The following NEGR1 variants were observed in gnomAD, a reference collection of about 807,000 sequenced individuals.
NEGR1 encodes neuronal growth regulator 1.
A neutral mutation model predicts 40.9 loss-of-function variants in NEGR1; 10 were observed. The ratio of observed to expected loss-of-function variants is 0.24; its 90% confidence interval spans 0.15 to 0.42. The LOEUF (loss-of-function observed/expected upper bound fraction) is 0.42. Among genes scored for constraint, NEGR1 ranks in the 10% least tolerant of loss-of-function variants. The probability of loss-of-function intolerance (pLI) is 1.00; values close to 1 mark genes in which losing one functional copy is unlikely to be tolerated. For synonymous variants in NEGR1, 185 were observed against 166.8 expected, an observed-to-expected ratio of 1.11 and a Z score of -0.84; for missense variants, 352 against 438.9, an observed-to-expected ratio of 0.80 and a Z score of 1.77.
At chr1:71,845,209 T>C (rs951494281) in intron 2 of NEGR1, among the ~76,000 whole-genome samples, 3 of 152,172 alleles carry the variant, frequency 2.0e-5, no homozygotes, top group African/African-American at 7.2e-5. Flanking sequence ...TTTTTGTTTT[T>C]ATTTTTGATA....
chr1:71,453,507 G>C (rs1161235001), intron 6 of NEGR1, among the ~76,000 whole-genome samples: 1 of 152,086 alleles, frequency 6.6e-6, no homozygotes, highest in African/African-American at 2.4e-5. Flanking sequence ...CTTGCATTTA[G>C]TTTCATAGGA....
In NEGR1 at chr1:71,397,899, G is replaced by T. The variant is rs1375975150; in HGVS notation, c.*9547C>A. 1 of 152,322 alleles carries T rather than the reference G, an allele frequency of 6.6e-6. No homozygotes were observed. Among genetic ancestry groups the T allele is most frequent in the East Asian group, 1.9e-4 (1 of 5,186 alleles). The allele number at this position is 152,322 out of a possible 1,614,324, so 9.4% of individuals were successfully genotyped here. Reference sequence around the variant, plus strand: ...GCCTGGCCCAGGGTCCCTCTGCTATGTGCAGTCTAGGAACTTGGTGCTCTG... The same window carrying T: ...GCCTGGCCCAGGGTCCCTCTGCTATTTGCAGTCTAGGAACTTGGTGCTCTG... On this transcript the variant is annotated 3_prime_UTR_variant, in exon 7 of 7. Coordinates refer to ENST00000357731, the MANE Select transcript of NEGR1 (RefSeq NM_173808.3).
At chr1:71,694,314 A>G (rs1282719003) in intron 4 of NEGR1, among the ~76,000 whole-genome samples, 1 of 151,024 alleles carries the variant, frequency 6.6e-6, no homozygotes, top group Non-Finnish European at 1.5e-5. Context: ...ACCCCTTTTC[A>G]TTATTTTAAT....
intron 2 of NEGR1, among the ~76,000 whole-genome samples, chr1:71,854,060 C>A (rs558124241): frequency 1.3e-5 from 2 of 152,028 alleles, no homozygotes; most frequent in Admixed American, 1.3e-4. Flanking sequence ...AAGCATGTTG[C>A]ATTAAAAAAG....
chr1:71,947,794 A>T (rs1237981490), intron 1 of NEGR1, among the ~76,000 whole-genome samples: 1 of 151,890 alleles, frequency 6.6e-6, no homozygotes, highest in Non-Finnish European at 1.5e-5. Flanking sequence ...AAAAATATGG[A>T]AATTAATGAT....
intron 3 of NEGR1, among the ~76,000 whole-genome samples, chr1:71,739,537 C>G (rs910759467): frequency 3.3e-5 from 5 of 151,696 alleles, no homozygotes; most frequent in Non-Finnish European, 7.4e-5. Flanking sequence ...AAAAAAAAAC[C>G]CTCTTAAATC....
At chr1:71,599,070 G>A (rs530673582) in intron 5 of NEGR1, among the ~76,000 whole-genome samples, 10 of 152,188 alleles carry the variant, frequency 6.6e-5, no homozygotes, top group East Asian at 3.9e-4. Flanking sequence ...TTATATTTTT[G>A]TAATTCTTAG....
At chr1:71,918,665 G>C (rs911995466) in intron 2 of NEGR1, among the ~76,000 whole-genome samples, 2 of 148,282 alleles carry the variant, frequency 1.3e-5, no homozygotes, top group African/African-American at 2.5e-5. Context: ...TTTTAAATGA[G>C]AGTATGGTAT....
intron 6 of NEGR1, among the ~76,000 whole-genome samples, chr1:71,431,253 G>A (rs919954467): frequency 6.6e-6 from 1 of 152,012 alleles, no homozygotes; most frequent in South Asian, 2.1e-4. Flanking sequence ...CATAAATTCA[G>A]TTTATTTAAC....
intron 1 of NEGR1, among the ~76,000 whole-genome samples, chr1:72,261,524 C>T (rs1655455237): frequency 6.6e-6 from 1 of 152,048 alleles, no homozygotes; most frequent in Admixed American, 6.6e-5. Flanking sequence ...ATATTAAATA[C>T]TGAAAGGCCT....
intron 6 of NEGR1, among the ~76,000 whole-genome samples, chr1:71,529,315 G>A (rs1032185039): frequency 6.6e-6 from 1 of 151,156 alleles, no homozygotes; most frequent in Admixed American, 6.6e-5. Context: ...TAGATTATTA[G>A]CTTGATGCTT....
intron 6 of NEGR1, among the ~76,000 whole-genome samples, chr1:71,408,132 G>T (rs772530198): frequency 5.9e-5 from 9 of 151,952 alleles, no homozygotes; most frequent in Non-Finnish European, 1.3e-4. Context: ...AAATTGCCTG[G>T]GTAAGGGAGA....
At chr1:72,274,739 A>G (rs1348475259) in intron 1 of NEGR1, 15 of 1,106,228 alleles carry the variant, frequency 1.4e-5, no homozygotes, top group Non-Finnish European at 2.1e-5. Flanking sequence ...GTAAAATCGG[A>G]AGGAGAAATT....
intron 6 of NEGR1, among the ~76,000 whole-genome samples, chr1:71,513,598 A>G (rs945943400): frequency 6.6e-6 from 1 of 152,192 alleles, no homozygotes; most frequent in African/African-American, 2.4e-5. Context: ...ACATTTTCTT[A>G]AAATATCTCA....
Position 72,116,093 on chromosome 1 carries a change from T to C in NEGR1, c.176+166226A>G, listed in dbSNP as rs376293150. Among the ~76,000 whole-genome samples the C allele has an allele frequency of 2.0e-5, 3 of 151,758 alleles. No individual in the cohort carries two copies. In the South Asian group the frequency reaches 6.2e-4, roughly 31 times the overall value. On this transcript the variant is annotated intron_variant, in intron 1 of 6. Transcript: ENST00000357731. ...CACCCTAGACAGCATTACTGTATTA[T>C]TATCAGTGTGGAGGTTCAATAGAAG...
chr1:71,897,847 A>G (rs1300953655), intron 2 of NEGR1, among the ~76,000 whole-genome samples: 1 of 152,218 alleles, frequency 6.6e-6, no homozygotes, highest in Non-Finnish European at 1.5e-5. Context: ...GGCATAACTG[A>G]ACATTTATCC....
chr1:71,985,497 T>C (rs546902644), intron 1 of NEGR1, among the ~76,000 whole-genome samples: 15 of 152,302 alleles, frequency 9.8e-5, no homozygotes, highest in Admixed American at 3.9e-4. Flanking sequence ...GTACCACCGA[T>C]AAATCCCTCA....
At chr1:71,942,727 C>G (rs575708992) in intron 1 of NEGR1, among the ~76,000 whole-genome samples, 1 of 144,386 alleles carries the variant, frequency 6.9e-6, no homozygotes, top group South Asian at 2.2e-4. Context: ...TGGTCTCGAT[C>G]TCCTGACCTC....
At chr1:72,185,765 T>C (rs1422319508) in intron 1 of NEGR1, among the ~76,000 whole-genome samples, 1 of 151,850 alleles carries the variant, frequency 6.6e-6, no homozygotes, top group African/African-American at 2.4e-5. Context: ...ATGTTTAAGA[T>C]GTTGCTCAGG....
Sources: allele counts gnomAD v4.1 joint callset (sites outside exome capture counted in the v4.1 genomes callset), GRCh38; gene constraint gnomAD v4.1.1; transcripts MANE v1.5; gene names NCBI Gene and HGNC (gene_info 2026-07-23, HGNC 2026-07-21).